SLC6A11: variants seen among roughly 807,000 people sequenced by gnomAD.
SLC6A11 encodes the protein sodium- and chloride-dependent GABA transporter 3.
SLC6A11 carries 25 observed loss-of-function variants against 74.8 expected under a neutral mutation model. That is an observed-to-expected ratio of 0.33 (90% CI 0.24 to 0.47). The LOEUF (loss-of-function observed/expected upper bound fraction) is 0.47. Among genes scored for constraint, SLC6A11 ranks in the 20% least tolerant of loss-of-function variants. The pLI is 1.00. For missense variants in SLC6A11, 574 were observed against 837.0 expected (o/e 0.69, Z 3.88); for synonymous variants, 330 against 330.2 (o/e 1.00, Z 0.01).
intron 6 of SLC6A11, among the ~76,000 whole-genome samples, chr3:10,882,917 C>A (rs1361476905): frequency 6.6e-6 from 1 of 152,154 alleles, no homozygotes; most frequent in Admixed American, 6.5e-5. Flanking sequence ...AGAGCACCTC[C>A]ACGTTTCCCT....
At chr3:10,865,812 T>C (rs1694757013) in intron 5 of SLC6A11, among the ~76,000 whole-genome samples, 2 of 152,186 alleles carry the variant, frequency 1.3e-5, no homozygotes, top group South Asian at 4.1e-4. Context: ...TGTAGAAGGA[T>C]GGTCACTCTT....
At chr3:10,846,133 T>C (rs1202176134) in intron 5 of SLC6A11, among the ~76,000 whole-genome samples, 1 of 152,194 alleles carries the variant, frequency 6.6e-6, no homozygotes, top group African/African-American at 2.4e-5. Flanking sequence ...GAGTAAGTAA[T>C]AGTGAATGCT....
intron 4 of SLC6A11, among the ~76,000 whole-genome samples, chr3:10,832,099 T>G (rs780556554): frequency 2.0e-5 from 3 of 152,246 alleles, no homozygotes; most frequent in Non-Finnish European, 4.4e-5. Context: ...ATGCCTGTAA[T>G]GTAGGCAGAA....
In SLC6A11 at chr3:10,927,786, G is replaced by A. The variant is rs556688132; in HGVS notation, c.1234-1416G>A. 1.2e-4 allele frequency among the ~76,000 whole-genome samples: 19 copies of A among 152,328 alleles called. No homozygotes were observed. In the South Asian group the frequency reaches 3.9e-3, roughly 32 times the overall value. ...CGCCTCTCTGTGCCTCATTCCCTTT[G>A]TCTGCACAAGGAGTATTGAAACACC... is the stretch of plus-strand genomic sequence containing the variant. On this transcript the variant is annotated intron_variant, in intron 9 of 13. Coordinates refer to ENST00000254488, the MANE Select transcript of SLC6A11 (RefSeq NM_014229.3).
chr3:10,841,637 G>T (rs1221091406), intron 4 of SLC6A11, among the ~76,000 whole-genome samples: 2 of 152,240 alleles, frequency 1.3e-5, no homozygotes. Context: ...TGCCGGAGCA[G>T]GCTGCATGAC....
At chr3:10,873,780 GTCCTATCCTATCCTA>G (rs879748167) in intron 5 of SLC6A11, among the ~76,000 whole-genome samples, 1 of 126,470 alleles carries the variant, frequency 7.9e-6, no homozygotes, top group Non-Finnish European at 1.6e-5. Context: ...GTCCTGTCCT[GTCCTATCCTATCCTA>G]TCCTATCCTA....
chr3:10,853,384 G>A (rs934423612), intron 5 of SLC6A11, among the ~76,000 whole-genome samples: 1 of 152,206 alleles, frequency 6.6e-6, no homozygotes, highest in African/African-American at 2.4e-5. Flanking sequence ...TGTCACCTGC[G>A]GGCAATGGCC....
At chr3:10,832,901 C>G (rs1694316089) in intron 4 of SLC6A11, among the ~76,000 whole-genome samples, 1 of 152,134 alleles carries the variant, frequency 6.6e-6, no homozygotes, top group African/African-American at 2.4e-5. Context: ...CAGCACACAA[C>G]AGGATTTGGG....
chr3:10,836,129 G>A (rs7653444), intron 4 of SLC6A11, among the ~76,000 whole-genome samples: 4,640 of 152,192 alleles, frequency 0.03, 239 homozygotes, highest in African/African-American at 0.11. Flanking sequence ...ATGGTCTTTC[G>A]TGATTGGCTT....
chr3:10,917,796 G>A (rs977523307), intron 7 of SLC6A11, among the ~76,000 whole-genome samples: 3 of 152,132 alleles, frequency 2.0e-5, no homozygotes, highest in African/African-American at 7.2e-5. Context: ...GCCAGACTGC[G>A]GTCTGGCAGA....
At chr3:10,822,073 AC>A (rs1166026891) in intron 3 of SLC6A11, among the ~76,000 whole-genome samples, 3 of 152,240 alleles carry the variant, frequency 2.0e-5, no homozygotes, top group Admixed American at 2.0e-4. Flanking sequence ...TCTTTCTTCA[AC>A]TGGTTTGCAA....
At chr3:10,912,744 C>T (rs533169534) in intron 7 of SLC6A11, among the ~76,000 whole-genome samples, 14 of 152,296 alleles carry the variant, frequency 9.2e-5, no homozygotes, top group East Asian at 3.9e-4. Flanking sequence ...TGGCCTCTCA[C>T]ACGTGCAGCT....
intron 5 of SLC6A11, among the ~76,000 whole-genome samples, chr3:10,859,334 T>C (rs1694675632): frequency 6.6e-6 from 1 of 152,210 alleles, no homozygotes; most frequent in South Asian, 2.1e-4. Flanking sequence ...GAGTGCCCAG[T>C]GCTCAGTGGT....
intron 5 of SLC6A11, among the ~76,000 whole-genome samples, chr3:10,847,936 C>T (rs1402262824): frequency 6.6e-6 from 1 of 152,200 alleles, no homozygotes; most frequent in Non-Finnish European, 1.5e-5. Flanking sequence ...TCCTTTTTCA[C>T]AAGGCTGTTC....
At chr3:10,858,199 C>T (rs1028592807) in intron 5 of SLC6A11, among the ~76,000 whole-genome samples, 6 of 152,170 alleles carry the variant, frequency 3.9e-5, no homozygotes, top group African/African-American at 1.4e-4. Context: ...ATGAACAATG[C>T]TTGGTAAAGT....
At chr3:10,836,749 G>A (rs994771404) in intron 4 of SLC6A11, among the ~76,000 whole-genome samples, 7 of 152,256 alleles carry the variant, frequency 4.6e-5, no homozygotes, top group Admixed American at 4.6e-4. Flanking sequence ...AGAGCCCAGT[G>A]TGACCTGGGA....
chr3:10,839,039 C>A (rs546506394), intron 4 of SLC6A11, among the ~76,000 whole-genome samples: 1 of 152,202 alleles, frequency 6.6e-6, no homozygotes, highest in African/African-American at 2.4e-5. Flanking sequence ...CATCTCCATG[C>A]CTGGATGGCC....
intron 10 of SLC6A11, among the ~76,000 whole-genome samples, chr3:10,930,162 C>T (rs1559587741): frequency 1.3e-5 from 2 of 152,206 alleles, no homozygotes; most frequent in Non-Finnish European, 2.9e-5. Context: ...CACCTTGTTG[C>T]ATCTACTCAT....
At chr3:10,881,184 G>A (rs1233715307) in intron 6 of SLC6A11, among the ~76,000 whole-genome samples, 1 of 152,170 alleles carries the variant, frequency 6.6e-6, no homozygotes, top group South Asian at 2.1e-4. Context: ...GGGAGGCTGA[G>A]GCAGGCAGAT....
Sources: allele counts gnomAD v4.1 joint callset (sites outside exome capture counted in the v4.1 genomes callset), GRCh38; gene constraint gnomAD v4.1.1; transcripts MANE v1.5; gene names NCBI Gene and HGNC (gene_info 2026-07-23, HGNC 2026-07-21).